The following SORCS2 variants were observed in gnomAD, a reference collection of about 807,000 sequenced individuals.
The protein encoded by SORCS2 is sortilin related VPS10 domain containing receptor 2.
SORCS2 carries 100 observed loss-of-function variants against 141.6 expected under a neutral mutation model. That is an observed-to-expected ratio of 0.71 (90% CI 0.60 to 0.83). SORCS2 has a LOEUF of 0.83. Among genes scored for constraint, SORCS2 ranks in the 40% least tolerant of loss-of-function variants. The probability of loss-of-function intolerance (pLI) is 0.00; values close to 1 mark genes in which losing one functional copy is unlikely to be tolerated. For synonymous variants in SORCS2, 789 were observed against 676.9 expected (o/e 1.17, Z -2.57); for missense variants, 1,646 against 1,560.2 (o/e 1.05, Z -0.93).
intron 11 of SORCS2, among the ~76,000 whole-genome samples, chr4:7,693,402 G>T (rs1472128772): frequency 6.6e-6 from 1 of 152,206 alleles, no homozygotes; most frequent in East Asian, 1.9e-4. Context: ...GCCCAGGGCA[G>T]GTCCTCGGGT....
At chr4:7,640,363 CATGTGTGAAT>C (rs1720633981) in intron 4 of SORCS2, among the ~76,000 whole-genome samples, 7 of 135,548 alleles carry the variant, frequency 5.2e-5, no homozygotes, top group African/African-American at 1.1e-4. Flanking sequence ...CCTATGTGAG[CATGTGTGAAT>C]GTACATGAGT....
intron 1 of SORCS2, among the ~76,000 whole-genome samples, chr4:7,285,033 TA>T (rs1293476876): frequency 2.0e-4 from 16 of 78,508 alleles, no homozygotes; most frequent in Admixed American, 7.5e-4. Flanking sequence ...TATATATATA[TA>T]TATTTTTTTT....
intron 1 of SORCS2, among the ~76,000 whole-genome samples, chr4:7,254,030 T>A (rs544775919): frequency 1.3e-5 from 2 of 152,292 alleles, no homozygotes; most frequent in Admixed American, 1.3e-4. Context: ...GTAACAGATG[T>A]TGGCATGGAT....
At chr4:7,724,741 A>G (rs201263615) in intron 19 of SORCS2, among the ~76,000 whole-genome samples, 1,725 of 9,928 alleles carry the variant, frequency 0.17, 40 homozygotes, top group African/African-American at 0.21. Flanking sequence ...TGGTGGTAGT[A>G]GTGGTGATGG....
intron 16 of SORCS2, among the ~76,000 whole-genome samples, chr4:7,714,635 A>G (rs1326144507): frequency 6.6e-6 from 1 of 152,178 alleles, no homozygotes; most frequent in Non-Finnish European, 1.5e-5. Context: ...CAGGAGGAGA[A>G]AGTGAGGAAC....
rs1202182428 is a variant in SORCS2 at position 7,740,424 on chromosome 4, G to A, written c.*160G>A. ...CACCCCCTCTGATAAATCCAAGCCCGCCCAGGCCCACGGGGGGCCCACGGG... is the reference window on the plus strand; with the variant it reads ...CACCCCCTCTGATAAATCCAAGCCCACCCAGGCCCACGGGGGGCCCACGGG... On this transcript the variant is annotated 3_prime_UTR_variant, in exon 27 of 27. Coordinates refer to ENST00000507866, the MANE Select transcript of SORCS2 (RefSeq NM_020777.3). The A allele has an allele frequency of 1.5e-5, 10 of 661,642 alleles. No individual in the cohort carries two copies. The highest frequency in any genetic ancestry group is 1.1e-4 in the East Asian group (4 of 36,204). The allele number at this position is 661,642 out of a possible 1,614,324, so 41.0% of individuals were successfully genotyped here. A position where few individuals can be genotyped will look rare whatever the true frequency, so the allele number is the denominator to read the frequency against.
At chr4:7,740,080 C>A in intron 26 of SORCS2, 120 bp from the exon 27 acceptor site, 3 of 783,898 alleles carry the variant, frequency 3.8e-6, no homozygotes, top group Non-Finnish European at 6.4e-6. Flanking sequence ...TGAAGGAAGC[C>A]AGGGAGGCCC....
chr4:7,636,395 G>T lies in SORCS2; in HGVS notation c.649-1933G>T, dbSNP rs146182234. On this transcript the variant is annotated intron_variant, in intron 3 of 26. Coordinates refer to ENST00000507866, the MANE Select transcript of SORCS2 (RefSeq NM_020777.3). Reference sequence around the variant, plus strand: ...GGAATGAATGAATGAGTGAATGAATGAATTAATGAAGGAACGAACGAACAC... The same window carrying T: ...GGAATGAATGAATGAGTGAATGAATTAATTAATGAAGGAACGAACGAACAC... 1.9e-3 allele frequency among the ~76,000 whole-genome samples: 294 copies of T among 152,362 alleles called. 2 individuals are homozygous for T. The highest frequency in any genetic ancestry group is 6.8e-3 in the Middle Eastern group (2 of 292).
At chr4:7,326,684 A>G (rs947428232) in intron 1 of SORCS2, among the ~76,000 whole-genome samples, 6 of 152,344 alleles carry the variant, frequency 3.9e-5, no homozygotes, top group African/African-American at 1.4e-4. Flanking sequence ...CCTCGCCGCC[A>G]GGGCATGATG....
chr4:7,702,547 C>A (rs559799173), intron 12 of SORCS2, among the ~76,000 whole-genome samples: 1 of 152,222 alleles, frequency 6.6e-6, no homozygotes, highest in Non-Finnish European at 1.5e-5. Flanking sequence ...CTCAGTGTCC[C>A]CTCCCGGGTG....
intron 3 of SORCS2, among the ~76,000 whole-genome samples, chr4:7,545,143 G>GAA (rs34817306): frequency 6.8e-6 from 1 of 146,088 alleles, no homozygotes; most frequent in Admixed American, 6.8e-5. Flanking sequence ...GGAGGGAAAA[G>GAA]AAAAAAAAAA....
At chr4:7,348,852 C>A (rs116486576) in intron 1 of SORCS2, among the ~76,000 whole-genome samples, 1 of 152,140 alleles carries the variant, frequency 6.6e-6, no homozygotes, top group Non-Finnish European at 1.5e-5. Context: ...TGCACCAGGC[C>A]GAATCTTGTG....
intron 11 of SORCS2, among the ~76,000 whole-genome samples, chr4:7,690,030 G>A (rs1214826404): frequency 7.2e-6 from 1 of 139,398 alleles, no homozygotes; most frequent in Admixed American, 7.0e-5. Flanking sequence ...TGGGTTCATG[G>A]ATGATGTATG....
chr4:7,491,520 C>T (rs1253815124), intron 2 of SORCS2, among the ~76,000 whole-genome samples: 3 of 152,344 alleles, frequency 2.0e-5, no homozygotes, highest in South Asian at 2.1e-4. Flanking sequence ...GCTCATTTCA[C>T]GCTGCTGACT....
chr4:7,734,260 C>T lies in SORCS2; in HGVS notation c.3209-12C>T, dbSNP rs768844501. 1 of 1,585,292 alleles carries T rather than the reference C, an allele frequency of 6.3e-7. No individual in the cohort carries two copies. ...GCCCGAGGTCCTCCACTGACAACCGCTTTGCTTGCAGGTGCTGAGCAGCTG... is the reference window on the plus strand; with the variant it reads ...GCCCGAGGTCCTCCACTGACAACCGTTTTGCTTGCAGGTGCTGAGCAGCTG... On this transcript the variant is annotated splice_polypyrimidine_tract_variant and intron_variant, in intron 24 of 26. Transcript: ENST00000507866.
chr4:7,567,695 G>T (rs1317739433), intron 3 of SORCS2, among the ~76,000 whole-genome samples: 1 of 152,188 alleles, frequency 6.6e-6, no homozygotes, highest in Non-Finnish European at 1.5e-5. Flanking sequence ...GAAGAAGGTT[G>T]CTATGGGCAG....
chr4:7,727,628 C>G (rs558119283), intron 21 of SORCS2, among the ~76,000 whole-genome samples: 1 of 152,304 alleles, frequency 6.6e-6, no homozygotes, highest in East Asian at 1.9e-4. Flanking sequence ...ATTCTTCATT[C>G]ATTGTTGGGC....
chr4:7,332,400 G>A (rs919812988), intron 1 of SORCS2, among the ~76,000 whole-genome samples: 6 of 152,212 alleles, frequency 3.9e-5, no homozygotes, highest in African/African-American at 1.2e-4. Flanking sequence ...CTCCAGATAG[G>A]AATGTGGTGG....
At chr4:7,682,217 G>T (rs562351518) in intron 9 of SORCS2, among the ~76,000 whole-genome samples, 3 of 152,178 alleles carry the variant, frequency 2.0e-5, no homozygotes, top group South Asian at 2.1e-4. Flanking sequence ...GCCCTGTCCC[G>T]GGTGTTCTAG....
Sources: allele counts gnomAD v4.1 joint callset (sites outside exome capture counted in the v4.1 genomes callset), GRCh38; gene constraint gnomAD v4.1.1; transcripts MANE v1.5; gene names NCBI Gene and HGNC (gene_info 2026-07-23, HGNC 2026-07-21).